Variants in PHRF1 observed in about 807,000 individuals in gnomAD.
PHRF1 encodes the protein PHD and ring finger domains 1.
A neutral mutation model predicts 128.9 loss-of-function variants in PHRF1; 53 were observed. That is an observed-to-expected ratio of 0.41 (90% CI 0.33 to 0.52). The LOEUF is 0.52. Among genes scored for constraint, PHRF1 ranks in the 20% least tolerant of loss-of-function variants. PHRF1 has a pLI of 0.21. For missense variants in PHRF1, 2,503 were observed against 2,284.5 expected, an observed-to-expected ratio of 1.10 and a Z score of -1.95; for synonymous variants, 1,178 against 980.6, an observed-to-expected ratio of 1.20 and a Z score of -3.76.
intron 17 of PHRF1, 73 bp from the exon 18 acceptor site, chr11:611,561 G>C (rs1856405705): frequency 1.9e-6 from 3 of 1,602,000 alleles, no homozygotes; most frequent in Non-Finnish European, 2.6e-6. Context: ...AGGGAGCCCA[G>C]CTTTGGCCCT....
chr11:582,902 TA>T (rs2134182494), intron 3 of PHRF1, among the ~76,000 whole-genome samples: 1 of 150,716 alleles, frequency 6.6e-6, no homozygotes, highest in Non-Finnish European at 1.5e-5. Context: ...GGTGTGGTGG[TA>T]GACGCCTGTA....
intron 4 of PHRF1, among the ~76,000 whole-genome samples, chr11:590,887 G>T (rs1230187884): frequency 1.3e-5 from 2 of 152,086 alleles, no homozygotes; most frequent in African/African-American, 4.8e-5. Context: ...ATTTTTAGTA[G>T]AGGCGGGGTT....
intron 3 of PHRF1, among the ~76,000 whole-genome samples, chr11:584,145 C>T (rs1017436966): frequency 7.2e-5 from 11 of 152,216 alleles, no homozygotes; most frequent in African/African-American, 9.7e-5. Flanking sequence ...TAGCTCTGCA[C>T]GTGCTCTGCG....
At chr11:594,455 C>G (rs769179539) in intron 6 of PHRF1, among the ~76,000 whole-genome samples, 1 of 152,184 alleles carries the variant, frequency 6.6e-6, no homozygotes, top group Admixed American at 6.5e-5. Flanking sequence ...AGTCTTGGTC[C>G]GTCATCCAGG....
chr11:609,384 C>A lies in PHRF1; in HGVS notation c.3928C>A (p.Pro1310Thr), dbSNP rs370033378. ...AGACTTCCCACTGAAGCCTGCGTTG[C>A]CCCCAGCCAGCCTGGCCGTGGCCGC... ...ERDFPLKPAL[P>T]PASLAVAAIQ... The change falls in exon 14 of 18, where the codon CCC (proline) becomes ACC (threonine). Residue 1310 changes from proline to threonine, a missense_variant. Coordinates refer to ENST00000264555, the MANE Select transcript of PHRF1 (RefSeq NM_001286581.2). 3.1e-6 allele frequency: 5 copies of A among 1,611,424 alleles called. No homozygotes were observed. Among genetic ancestry groups the A allele is most frequent in the Non-Finnish European group, 4.2e-6 (5 of 1,179,784 alleles).
rs773724483 is a variant in PHRF1 at position 605,139 on chromosome 11, T to G, written c.1173T>G (p.Ser391=). 2 of 1,611,578 alleles carry G rather than the reference T, an allele frequency of 1.2e-6. No homozygotes were observed. Among genetic ancestry groups the G allele is most frequent in the Non-Finnish European group, 1.7e-6 (2 of 1,178,150 alleles). ...KKVKSEATTR[S]RIARTLGLRR... ...TTCAGAGTGAAGCCACCACTCGCTC[T>G]CGAATCGCGCGGACGCTGGGCCTGC... The change falls in exon 11 of 18, where the codon TCT becomes TCG. Residue 391 remains serine (S), a synonymous_variant. Coordinates refer to ENST00000264555, the MANE Select transcript of PHRF1 (RefSeq NM_001286581.2).
intron 10 of PHRF1, 130 bp downstream of exon 10, chr11:601,831 C>T: frequency 2.5e-6 from 3 of 1,183,706 alleles, no homozygotes; most frequent in Non-Finnish European, 3.5e-6. Context: ...TCATCATCGT[C>T]TTTGCTTTTC....
intron 12 of PHRF1, among the ~76,000 whole-genome samples, chr11:606,099 C>G (rs1039407778): frequency 1.3e-5 from 2 of 152,214 alleles, no homozygotes; most frequent in East Asian, 3.8e-4. Context: ...GCCACAAGAA[C>G]AAAAAATTAA....
chr11:592,851 C>T (rs1185271036), intron 6 of PHRF1, among the ~76,000 whole-genome samples, 177 bp downstream of exon 6: 1 of 152,260 alleles, frequency 6.6e-6, no homozygotes, highest in East Asian at 1.9e-4. Flanking sequence ...CTCATTTACA[C>T]TTCAGTCTTT....
chr11:600,352 A>G (rs550823425), intron 9 of PHRF1, among the ~76,000 whole-genome samples: 12 of 150,464 alleles, frequency 8.0e-5, no homozygotes, highest in African/African-American at 2.9e-4. Context: ...GGCTCAAGCA[A>G]TTGTGGTGCC....
Position 608,909 on chromosome 11 carries a change from T to G in PHRF1, c.3453T>G (p.Ser1151Arg). ...RSHERPDRKE[S>R]VAWPRDRRKR... ...ACGAGCGGCCAGACAGGAAGGAGAG[T>G]GTGGCGTGGCCCCGAGACCGGAGGA... The change falls in exon 14 of 18, where the codon AGT (serine) becomes AGG (arginine). Residue 1151 changes from serine to arginine, a missense_variant. Transcript: ENST00000264555. 6.2e-7 allele frequency: 1 copy of G among 1,608,746 alleles called. No homozygotes were observed. The highest frequency in any genetic ancestry group is 8.5e-7 in the Non-Finnish European group (1 of 1,179,010).
chr11:605,065 C>T, intron 10 of PHRF1, 54 bp from the exon 11 acceptor site: 7 of 1,527,858 alleles, frequency 4.6e-6, no homozygotes, highest in South Asian at 3.5e-5. Flanking sequence ...ACAGAGCCCT[C>T]GTAGATGCCA....
intron 9 of PHRF1, among the ~76,000 whole-genome samples, chr11:599,790 C>T (rs11246209): frequency 6.6e-6 from 1 of 151,108 alleles, no homozygotes; most frequent in South Asian, 2.1e-4. Flanking sequence ...GAGGACTCGG[C>T]GTCTGTGGGT....
chr11:595,075 A>C (rs1251339339), intron 6 of PHRF1, among the ~76,000 whole-genome samples: 1 of 152,188 alleles, frequency 6.6e-6, no homozygotes, highest in African/African-American at 2.4e-5. Flanking sequence ...GTCAAAATGG[A>C]ATCACAGTAG....
At chr11:580,636 CCTCAG>C (rs1325710941) in intron 1 of PHRF1, among the ~76,000 whole-genome samples, 2 of 152,222 alleles carry the variant, frequency 1.3e-5, no homozygotes, top group African/African-American at 4.8e-5. Flanking sequence ...CCCGGCTCTG[CCTCAG>C]CTCAGGATGA....
In PHRF1 at chr11:601,593, G is replaced by A. The variant is rs748765446; in HGVS notation, c.1044G>A (p.Pro348=). The A allele has an allele frequency of 5.0e-5, 80 of 1,613,590 alleles. No homozygotes were observed. The highest frequency in any genetic ancestry group is 1.3e-4 in the East Asian group (6 of 44,890). Reference sequence around the variant, plus strand: ...CCTTAGGAAGACGGAAGAAAGTGCCGGGAAGAAAGAAAACCCCGTCCGGAC... The same window carrying A: ...CCTTAGGAAGACGGAAGAAAGTGCCAGGAAGAAAGAAAACCCCGTCCGGAC... ...KRKTRRRKKV[P]GRKKTPSGPS... The change falls in exon 10 of 18, where the codon CCG becomes CCA. Residue 348 remains proline (P), a synonymous_variant. Coordinates refer to ENST00000264555, the MANE Select transcript of PHRF1 (RefSeq NM_001286581.2).
At chr11:584,200 C>T (rs1360031154) in intron 3 of PHRF1, among the ~76,000 whole-genome samples, 4 of 152,178 alleles carry the variant, frequency 2.6e-5, no homozygotes, top group Non-Finnish European at 4.4e-5. Context: ...CCTGCTCCCT[C>T]CCAGCATCAG....
At chr11:599,253 C>CTTTTTTTTTTTTTTTTTTTTTTTT (rs754658303) in intron 9 of PHRF1, among the ~76,000 whole-genome samples, 28 of 104,988 alleles carry the variant, frequency 2.7e-4, no homozygotes, top group Non-Finnish European at 3.3e-4. Context: ...TTTTTCTTTT[C>CTTTTTTTTTTTTTTTTTTTTTTTT]TTTTTTTTTT....
At position 587,341 on chromosome 11, in the gene PHRF1, C is replaced by G. The variant is rs767402483; in HGVS notation, c.297C>G (p.Phe99Leu). 2.4e-5 allele frequency: 38 copies of G among 1,613,734 alleles called. No individual in the cohort carries two copies. Among genetic ancestry groups the G allele is most frequent in the Non-Finnish European group, 3.1e-5 (36 of 1,179,916 alleles). Residue 99 changes from phenylalanine (F) to leucine (L), a missense_variant, in exon 4 of 18, where the codon TTC (phenylalanine) becomes TTG (leucine). By Grantham distance (22) the Phe-to-Leu change is conservative (BLOSUM62 0). Coordinates refer to ENST00000264555, the MANE Select transcript of PHRF1 (RefSeq NM_001286581.2). The part of the protein sequence containing the change: ...TQGKLEAAGS[F>L]NSDDDAESCP... The stretch of plus-strand genomic sequence containing the variant: ...GGAAACTGGAAGCCGCTGGCTCTTT[C>G]AATTCTGATGATGATGCAGAGAGCT...
Sources: gnomAD v4.1 joint callset for allele counts (sites outside exome capture counted in the v4.1 genomes callset) on GRCh38, gnomAD v4.1.1 for gene constraint, MANE v1.5 for transcripts, NCBI Gene and HGNC (gene_info 2026-07-23, HGNC 2026-07-21) for gene names.